OSMR: variants seen among roughly 807,000 people sequenced by gnomAD.
OSMR encodes oncostatin-M-specific receptor subunit beta.
A neutral mutation model predicts 99.9 loss-of-function variants in OSMR; 81 were observed. That is an observed-to-expected ratio of 0.81 (90% CI 0.68 to 0.97). The LOEUF (loss-of-function observed/expected upper bound fraction) is 0.97, where lower values mean the gene tolerates loss of function less well. Among genes scored for constraint, OSMR ranks in the 50% least tolerant of loss-of-function variants. The pLI is 0.00. For synonymous variants in OSMR, 406 were observed against 410.4 expected (o/e 0.99, Z 0.13); for missense variants, 1,099 against 1,153.4 (o/e 0.95, Z 0.68).
At chr5:38,893,275 C>T (rs1225701282) in intron 7 of OSMR, among the ~76,000 whole-genome samples, 3 of 152,196 alleles carry the variant, frequency 2.0e-5, no homozygotes, top group Admixed American at 6.5e-5. Flanking sequence ...CATAAGAATT[C>T]TGGCATCATG....
chr5:38,913,868 A>G (rs1745749913), intron 9 of OSMR, among the ~76,000 whole-genome samples: 1 of 152,206 alleles, frequency 6.6e-6, no homozygotes, highest in Non-Finnish European at 1.5e-5. Context: ...TTACACAAAA[A>G]GGGGGAAGGT....
chr5:38,920,555 C>T (rs1038740729), intron 11 of OSMR, among the ~76,000 whole-genome samples: 2 of 152,150 alleles, frequency 1.3e-5, no homozygotes, highest in African/African-American at 2.4e-5. Context: ...ATCTATAAAG[C>T]CCTCATGGGC....
At chr5:38,875,324 C>T (rs1742729696) in intron 2 of OSMR, among the ~76,000 whole-genome samples, 1 of 152,174 alleles carries the variant, frequency 6.6e-6, no homozygotes, top group Non-Finnish European at 1.5e-5. Flanking sequence ...ATGATTTGTT[C>T]TTCTTTAAGA....
At chr5:38,928,091 T>C (rs1412222432) in intron 15 of OSMR, among the ~76,000 whole-genome samples, 1 of 152,214 alleles carries the variant, frequency 6.6e-6, no homozygotes, top group Non-Finnish European at 1.5e-5. Context: ...TTCATATCAC[T>C]ATCAGCATTT....
chr5:38,918,246 A>T (rs191312166), intron 10 of OSMR, among the ~76,000 whole-genome samples: 39 of 152,084 alleles, frequency 2.6e-4, no homozygotes, highest in African/African-American at 8.7e-4. Flanking sequence ...CCCCAAGCAG[A>T]TAGCCACTCC....
intron 10 of OSMR, among the ~76,000 whole-genome samples, chr5:38,918,428 G>GGTAACA (rs1421446170): frequency 6.6e-6 from 1 of 152,068 alleles, no homozygotes; most frequent in Admixed American, 6.5e-5. Context: ...GCTGCATAGG[G>GGTAACA]GTAACATGGC....
intron 2 of OSMR, among the ~76,000 whole-genome samples, chr5:38,875,602 C>G (rs914726614): frequency 3.9e-5 from 6 of 152,208 alleles, no homozygotes; most frequent in African/African-American, 1.4e-4. Flanking sequence ...TTCATCATGT[C>G]TCTCCAACTA....
chr5:38,895,156 C>CT (rs1744422906), intron 7 of OSMR, among the ~76,000 whole-genome samples: 1 of 151,950 alleles, frequency 6.6e-6, no homozygotes, highest in Non-Finnish European at 1.5e-5. Flanking sequence ...AGAAAGATCT[C>CT]AAATTAACAA....
At chr5:38,936,571 G>A (rs1747054516), downstream of OSMR, among the ~76,000 whole-genome samples, 1 of 152,040 alleles carries the variant, frequency 6.6e-6, no homozygotes, top group Admixed American at 6.5e-5. Flanking sequence ...TACTAATTAG[G>A]GTCAACCTTG....
chr5:38,876,120 G>T, intron 2 of OSMR, 81 bp from the exon 3 acceptor site: 3 of 1,569,310 alleles, frequency 1.9e-6, no homozygotes, highest in South Asian at 2.3e-5. Flanking sequence ...AAATAATGAT[G>T]ATATTCAAGT....
chr5:38,848,496 TAAC>T (rs1276404822), intron 1 of OSMR, among the ~76,000 whole-genome samples: 1 of 152,200 alleles, frequency 6.6e-6, no homozygotes, highest in African/African-American at 2.4e-5. Flanking sequence ...ATACAAATAA[TAAC>T]AACTCATTCT....
chr5:38,937,792 A>G (rs1406355157), downstream of OSMR: 1 of 166,608 alleles, frequency 6.0e-6, no homozygotes, highest in Non-Finnish European at 1.3e-5. This position sits in a 1 kb window ranked among gnomAD's most constrained non-coding sequence, Gnocchi z 4.0. Context: ...CAGCCACTCT[A>G]CATGTCTGTG....
At chr5:38,852,669 T>C (rs934446976) in intron 1 of OSMR, among the ~76,000 whole-genome samples, 2 of 151,726 alleles carry the variant, frequency 1.3e-5, no homozygotes, top group Non-Finnish European at 2.9e-5. Flanking sequence ...AAGAACTCTT[T>C]GTATATGAGG....
intron 2 of OSMR, among the ~76,000 whole-genome samples, chr5:38,874,408 T>A (rs957149019): frequency 6.6e-6 from 1 of 152,188 alleles, no homozygotes; most frequent in African/African-American, 2.4e-5. Context: ...GTGGCTCCCT[T>A]TCCTTTTATG....
chr5:38,862,483 C>T (rs2937442), intron 1 of OSMR, among the ~76,000 whole-genome samples: 66,350 of 145,568 alleles, frequency 0.46, 15,466 homozygotes, highest in South Asian at 0.58. Context: ...ACTTCCCAGA[C>T]GGGGTGGCTG....
chr5:38,846,130 A>T lies in OSMR; in HGVS notation c.-271A>T. On this transcript the variant is annotated 5_prime_UTR_variant, in exon 1 of 18. Coordinates refer to ENST00000274276, the MANE Select transcript of OSMR (RefSeq NM_003999.3). ...CGTGGAGCCCTTCGCCCGCGGCGTGAGTACCCCCGACCCGCCCGTCCCCGC... is the reference window on the plus strand; with the variant it reads ...CGTGGAGCCCTTCGCCCGCGGCGTGTGTACCCCCGACCCGCCCGTCCCCGC... 6.6e-6 allele frequency: 1 copy of T among 152,118 alleles called. No homozygotes were observed. The highest frequency in any genetic ancestry group is 1.5e-5 in the Non-Finnish European group (1 of 68,080). The allele number at this position is 152,118 out of a possible 1,614,324, so 9.4% of individuals were successfully genotyped here. A position where few individuals can be genotyped will look rare whatever the true frequency, so the allele number is the denominator to read the frequency against.
At chr5:38,884,929 G>A (rs767691255) in intron 5 of OSMR, among the ~76,000 whole-genome samples, 3 of 152,074 alleles carry the variant, frequency 2.0e-5, no homozygotes, top group African/African-American at 7.2e-5. Context: ...GGATTTGGAG[G>A]TGCTTTGCCA....
intron 1 of OSMR, among the ~76,000 whole-genome samples, chr5:38,943,434 C>T (rs1031659665): frequency 6.6e-6 from 1 of 152,024 alleles, no homozygotes; most frequent in South Asian, 2.1e-4. Flanking sequence ...GTTAAGGGCC[C>T]GCTCCCAGAG....
At chr5:38,872,783 T>C (rs975225047) in intron 2 of OSMR, among the ~76,000 whole-genome samples, 2 of 151,984 alleles carry the variant, frequency 1.3e-5, no homozygotes, top group East Asian at 3.8e-4. Context: ...TTAAAAAAAA[T>C]GTCCTTTAAA....
Sources: allele counts gnomAD v4.1 joint callset (sites outside exome capture counted in the v4.1 genomes callset), GRCh38; gene constraint gnomAD v4.1.1; non-coding constraint Gnocchi (gnomAD v3.1); transcripts MANE v1.5; gene names NCBI Gene and HGNC (gene_info 2026-07-23, HGNC 2026-07-21).